The following CEP104 variants were observed in gnomAD, a reference collection of about 807,000 sequenced individuals.
CEP104 encodes centrosomal protein 104, also known as centrosomal protein of 104 kDa.
CEP104 carries 84 observed loss-of-function variants against 113.3 expected under a neutral mutation model. The ratio of observed to expected loss-of-function variants is 0.74; its 90% confidence interval spans 0.62 to 0.89. The LOEUF (loss-of-function observed/expected upper bound fraction) is 0.89. Ranked by LOEUF, CEP104 falls within the 40% of genes least tolerant of loss-of-function variation. The pLI is 0.00. For synonymous variants in CEP104, 378 were observed against 421.7 expected (o/e 0.90, Z 1.27); for missense variants, 1,053 against 1,156.6 (o/e 0.91, Z 1.30).
At position 3,836,503 on chromosome 1, in the gene CEP104, C is replaced by G; in HGVS notation, c.1309G>C (p.Glu437Gln). The G allele has an allele frequency of 5.2e-6, 6 of 1,143,848 alleles. No homozygotes were observed. The highest frequency in any genetic ancestry group is 3.1e-5 in the East Asian group (1 of 32,528). 70.9% of individuals were successfully genotyped at this position (1,143,848 alleles called of 1,614,324 possible). A position where few individuals can be genotyped will look rare whatever the true frequency, so the allele number is the denominator to read the frequency against. ...TTTTTTTTTTTTTTTACCAAGGTTT[C>G]TCCCAACACATCGATGGCAGAGCTG... ...EASSAIDVLG[E>Q]TLVAEAYCKT... The change falls in exon 10 of 22, where the codon GAA becomes CAA. Residue 437 changes from glutamate (E) to glutamine (Q), a missense_variant. Coordinates refer to ENST00000378230, the MANE Select transcript of CEP104 (RefSeq NM_014704.4).
chr1:3,842,873 C>T (rs138722852), intron 6 of CEP104, among the ~76,000 whole-genome samples: 242 of 152,136 alleles, frequency 1.6e-3, no homozygotes, highest in African/African-American at 5.5e-3. Flanking sequence ...CTGCAACCTC[C>T]ACCTCCCAGG....
chr1:3,829,957 C>T lies in CEP104; in HGVS notation c.1877G>A (p.Arg626His), dbSNP rs769355737. The T allele has an allele frequency of 2.9e-5, 47 of 1,614,162 alleles. No individual in the cohort carries two copies. In the Middle Eastern group the frequency reaches 4.9e-4, roughly 17 times the overall value. Residue 626 changes from arginine to histidine, a missense_variant, in exon 14 of 22, where the codon CGC (arginine) becomes CAC (histidine). Arg to His is a conservative substitution (Grantham distance 29, BLOSUM62 0). Transcript: ENST00000378230. ...SALEHRVYEVRETAVRIILDM... is the reference protein window; with the variant it reads ...SALEHRVYEVHETAVRIILDM... ...CAAAATAATTCGAACCGCCGTCTCG[C>T]GGACCTCATACACTCTATGCTCCAG...
chr1:3,839,566 T>C, intron 7 of CEP104, 42 bp downstream of exon 7: 1 of 1,554,928 alleles, frequency 6.4e-7, no homozygotes, highest in South Asian at 1.2e-5. Flanking sequence ...ATAAAACCTA[T>C]TACAGGCATA....
At chr1:3,816,422 C>A (rs374111786) in intron 20 of CEP104, 52 bp from the exon 21 acceptor site, 1 of 1,434,914 alleles carries the variant, frequency 7.0e-7, no homozygotes, top group Non-Finnish European at 9.4e-7. Context: ...GGACCTGGCA[C>A]GCTACCTGAG....
At chr1:3,852,473 C>A in intron 1 of CEP104, 52 bp from the exon 2 acceptor site, 3 of 1,535,456 alleles carry the variant, frequency 2.0e-6, no homozygotes, top group Non-Finnish European at 2.6e-6. Context: ...TTCACTAACA[C>A]ATGGACATTT....
At chr1:3,845,840 C>A (rs1262530743) in intron 4 of CEP104, among the ~76,000 whole-genome samples, 1 of 152,150 alleles carries the variant, frequency 6.6e-6, no homozygotes, top group African/African-American at 2.4e-5. Context: ...GTAATCCCAT[C>A]ACTATGGGAG....
Position 3,848,320 on chromosome 1 carries a change from C to A in CEP104, c.287+288G>T, listed in dbSNP as rs954613169. Among the ~76,000 whole-genome samples, 15 of 152,040 alleles carry A rather than the reference C, an allele frequency of 9.9e-5. 1 individual carries two copies. The highest frequency in any genetic ancestry group is 3.6e-4 in the African/African-American group (15 of 41,470). On this transcript the variant is annotated intron_variant, in intron 3 of 21. Transcript: ENST00000378230. The stretch of plus-strand genomic sequence containing the variant: ...GGTCGAGGCGGGCGGATCACGAGGT[C>A]AGGAGATCGAGACCATCCTGGCTAA...
Position 3,823,090 on chromosome 1 carries a change from G to A in CEP104, c.2571+84C>T, listed in dbSNP as rs959891524. On this transcript the variant is annotated intron_variant, in intron 20 of 21. Transcript: ENST00000378230. The surrounding 1 kb of genome is among the most constrained non-coding windows in gnomAD (Gnocchi z 4.1). ...TACTGTACTCTGTGGCTATGGTCCC[G>A]CACTGACACCACCACTGTCACCACC... The A allele has an allele frequency of 2.3e-5, 30 of 1,283,670 alleles. No individual in the cohort carries two copies. The highest frequency in any genetic ancestry group is 3.2e-5 in the Non-Finnish European group (28 of 885,412). 79.5% of individuals were successfully genotyped at this position (1,283,670 alleles called of 1,614,324 possible). A position where few individuals can be genotyped will look rare whatever the true frequency, so the allele number is the denominator to read the frequency against.
Position 3,816,335 on chromosome 1 carries a change from G to A in CEP104, c.2607C>T (p.Cys869=). Residue 869 remains cysteine, a synonymous_variant, in exon 21 of 22, where the codon TGC becomes TGT. Coordinates refer to ENST00000378230, the MANE Select transcript of CEP104 (RefSeq NM_014704.4). ...TGTGTGTCTTGCGCAGGTTCATCGT[G>A]CAGCCGGCTGGGCCCATCAGGTGAG... is the stretch of plus-strand genomic sequence containing the variant. ...WKAHLMGPAG[C]TMNLRKTHIL... is the part of the protein sequence containing the mutation. 6.4e-7 allele frequency: 1 copy of A among 1,553,264 alleles called. No individual in the cohort carries two copies. Among genetic ancestry groups the A allele is most frequent in the Non-Finnish European group, 8.7e-7 (1 of 1,147,940 alleles).
At chr1:3,818,771 T>G (rs1373349860) in intron 20 of CEP104, among the ~76,000 whole-genome samples, 1 of 152,252 alleles carries the variant, frequency 6.6e-6, no homozygotes, top group African/African-American at 2.4e-5. Flanking sequence ...TACAGTTCAG[T>G]AGTGTTAAGC....
chr1:3,817,651 G>A (rs559375266), intron 20 of CEP104, among the ~76,000 whole-genome samples: 1 of 152,330 alleles, frequency 6.6e-6, no homozygotes, highest in African/African-American at 2.4e-5. Flanking sequence ...ACCGGCACAT[G>A]GGGTGCAGTT....
rs757605469 is a variant in CEP104, at chr1:3,852,315, G to A, written c.93C>T (p.Val31=). 3 of 1,613,884 alleles carry A rather than the reference G, an allele frequency of 1.9e-6. No individual in the cohort carries two copies. Among genetic ancestry groups the A allele is most frequent in the Non-Finnish European group, 2.5e-6 (3 of 1,179,970 alleles). Residue 31 remains valine, a synonymous_variant, in exon 2 of 22, where the codon GTC becomes GTT. Transcript: ENST00000378230. ...ARELMIHAPT[V]SGWRSPRFCQ... is the part of the protein sequence containing the mutation. ...CTCACCTAGGTGACCGCCACCCACT[G>A]ACAGTTGGCGCGTGGATCATGAGCT...
intron 17 of CEP104, 92 bp downstream of exon 17, chr1:3,826,278 G>A: frequency 1.8e-6 from 2 of 1,087,814 alleles, no homozygotes; most frequent in Non-Finnish European, 1.4e-6. Flanking sequence ...ACTACGAAGG[G>A]CCAACTAGGG....
At chr1:3,846,675 T>C (rs1644513567) in intron 4 of CEP104, among the ~76,000 whole-genome samples, 1 of 152,202 alleles carries the variant, frequency 6.6e-6, no homozygotes, top group Non-Finnish European at 1.5e-5. Flanking sequence ...TCTGGCTTCC[T>C]GGCGTGTTAT....
intron 1 of CEP104, 129 bp from the exon 2 acceptor site, chr1:3,852,550 C>A: frequency 2.4e-6 from 2 of 820,032 alleles, no homozygotes; most frequent in Non-Finnish European, 3.6e-6. Flanking sequence ...TTTCCCATCT[C>A]TTTGAAAAGA....
chr1:3,817,092 A>C (rs1643891788), intron 20 of CEP104, among the ~76,000 whole-genome samples: 1 of 152,172 alleles, frequency 6.6e-6, no homozygotes, highest in African/African-American at 2.4e-5. Context: ...ACACTTTGGG[A>C]GGCAGAGGTG....
intron 18 of CEP104, 35 bp downstream of exon 18, chr1:3,825,723 A>G: frequency 7.4e-7 from 1 of 1,360,050 alleles, no homozygotes; most frequent in South Asian, 1.2e-5. Context: ...GTTCCCGCTC[A>G]TGCAAGTAGC....
rs369995607 is a variant in CEP104 at position 3,836,700 on chromosome 1, G to A, written c.1120-8C>T. 51 of 1,612,556 alleles carry A rather than the reference G, an allele frequency of 3.2e-5. No individual in the cohort carries two copies. Among genetic ancestry groups the A allele is most frequent in the Non-Finnish European group, 4.1e-5 (48 of 1,179,848 alleles). ...GTAGGGCAGGGACTCTGCCTGCAGT[G>A]AGTGAAGGAGAGAGGAAAGTGCTGG... On this transcript the variant is annotated splice_region_variant and splice_polypyrimidine_tract_variant and intron_variant, in intron 9 of 21. Coordinates refer to ENST00000378230, the MANE Select transcript of CEP104 (RefSeq NM_014704.4).
intron 20 of CEP104, among the ~76,000 whole-genome samples, chr1:3,818,556 G>A (rs779934520): frequency 1.3e-5 from 2 of 152,172 alleles, no homozygotes; most frequent in African/African-American, 2.4e-5. Context: ...TCTCAACAGA[G>A]CAGCAAAACT....
Sources: allele counts gnomAD v4.1 joint callset (sites outside exome capture counted in the v4.1 genomes callset), GRCh38; gene constraint gnomAD v4.1.1; non-coding constraint Gnocchi (gnomAD v3.1); transcripts MANE v1.5; gene names NCBI Gene and HGNC (gene_info 2026-07-23, HGNC 2026-07-21).